The following GRM8 variants were observed in gnomAD, a reference collection of about 807,000 sequenced individuals.
GRM8 encodes metabotropic glutamate receptor 8.
A neutral mutation model predicts 87.2 loss-of-function variants in GRM8; 47 were observed. That is an observed-to-expected ratio of 0.54 (90% CI 0.43 to 0.69). The LOEUF (loss-of-function observed/expected upper bound fraction) is 0.69, where lower values mean the gene tolerates loss of function less well. GRM8 is among the 30% of genes least tolerant of loss of function. The probability of loss-of-function intolerance (pLI) is 0.00; values close to 1 mark genes in which losing one functional copy is unlikely to be tolerated. For synonymous variants in GRM8, 396 were observed against 404.5 expected (o/e 0.98, Z 0.25); for missense variants, 1,019 against 1,139.2 (o/e 0.89, Z 1.52).
At chr7:126,571,977 G>C (rs959983035) in intron 8 of GRM8, among the ~76,000 whole-genome samples, 2 of 151,870 alleles carry the variant, frequency 1.3e-5, no homozygotes, top group South Asian at 4.1e-4. Flanking sequence ...TCCTGACCTC[G>C]TGATCCTCCT....
chr7:127,083,649 C>A (rs1289812366), intron 3 of GRM8, among the ~76,000 whole-genome samples: 1 of 151,722 alleles, frequency 6.6e-6, no homozygotes, highest in Non-Finnish European at 1.5e-5. Context: ...TACCTAACAA[C>A]AACAACAACA....
intron 3 of GRM8, among the ~76,000 whole-genome samples, chr7:127,014,579 G>A (rs887172016): frequency 1.3e-5 from 2 of 152,030 alleles, no homozygotes; most frequent in East Asian, 1.9e-4. Flanking sequence ...TAATACGGTT[G>A]TGCAGATTAA....
chr7:126,987,500 G>C (rs902300690), intron 3 of GRM8, among the ~76,000 whole-genome samples: 1 of 151,002 alleles, frequency 6.6e-6, no homozygotes, highest in African/African-American at 2.4e-5. Context: ...TCGCTCTCTC[G>C]TCCAGGCTGG....
intron 3 of GRM8, among the ~76,000 whole-genome samples, chr7:126,948,359 T>A (rs1354759895): frequency 6.7e-6 from 1 of 150,242 alleles, no homozygotes; most frequent in Admixed American, 6.7e-5. Context: ...ACACAGGACA[T>A]GCAAAGGCAT....
At chr7:127,219,734 G>A (rs1203245273) in intron 2 of GRM8, 1 of 152,164 alleles carries the variant, frequency 6.6e-6, no homozygotes, top group Non-Finnish European at 1.5e-5. Flanking sequence ...CAGATATTTT[G>A]AGAGTCCATT....
chr7:126,827,144 T>C (rs1794890389), intron 6 of GRM8, among the ~76,000 whole-genome samples: 1 of 152,204 alleles, frequency 6.6e-6, no homozygotes, highest in Non-Finnish European at 1.5e-5. Flanking sequence ...TGAAGTCAGG[T>C]AGCGTGATGC....
chr7:126,920,621 T>G (rs1477091588), intron 3 of GRM8, among the ~76,000 whole-genome samples: 1 of 151,868 alleles, frequency 6.6e-6, no homozygotes, highest in Admixed American at 6.6e-5. Flanking sequence ...TGGTTGAAAA[T>G]CTCTAAAGTC....
At chr7:126,550,637 A>G (rs1182094046) in intron 8 of GRM8, among the ~76,000 whole-genome samples, 1 of 152,112 alleles carries the variant, frequency 6.6e-6, no homozygotes, top group Non-Finnish European at 1.5e-5. Flanking sequence ...ATAATGAGAA[A>G]GCTGCATCAA....
chr7:127,205,750 G>A (rs1406027922), intron 2 of GRM8, among the ~76,000 whole-genome samples: 1 of 152,118 alleles, frequency 6.6e-6, no homozygotes. Flanking sequence ...TTCTGTTTGT[G>A]CCCAAACTTT....
intron 3 of GRM8, among the ~76,000 whole-genome samples, chr7:127,082,935 C>T (rs1463506321): frequency 6.6e-6 from 1 of 152,148 alleles, no homozygotes; most frequent in Non-Finnish European, 1.5e-5. Context: ...GGCAGCATGG[C>T]CTCAAAGCCT....
At chr7:127,020,056 G>T (rs920224136) in intron 3 of GRM8, among the ~76,000 whole-genome samples, 1 of 152,074 alleles carries the variant, frequency 6.6e-6, no homozygotes, top group African/African-American at 2.4e-5. Context: ...AACACAAAAA[G>T]TGAGTTTCTA....
intron 7 of GRM8, among the ~76,000 whole-genome samples, chr7:126,754,803 A>C (rs1392883994): frequency 1.3e-5 from 2 of 151,864 alleles, no homozygotes; most frequent in Non-Finnish European, 2.9e-5. Context: ...ACCATTCTGG[A>C]GTTTGCAAAA....
intron 3 of GRM8, among the ~76,000 whole-genome samples, chr7:127,096,987 C>T (rs1411488814): frequency 3.9e-5 from 6 of 152,202 alleles, no homozygotes; most frequent in Non-Finnish European, 5.9e-5. Context: ...CCCCCAGACT[C>T]ACATTACTAA....
chr7:126,791,954 T>C (rs919660856), intron 6 of GRM8, among the ~76,000 whole-genome samples: 4 of 152,138 alleles, frequency 2.6e-5, no homozygotes, highest in African/African-American at 9.7e-5. Flanking sequence ...TGATGCTGAG[T>C]TTGCTTCTGA....
chr7:126,768,745 T>A (rs1818483568), intron 7 of GRM8, among the ~76,000 whole-genome samples: 1 of 152,038 alleles, frequency 6.6e-6, no homozygotes, highest in South Asian at 2.1e-4. Context: ...AACCTTGTAT[T>A]GCAACATTCC....
intron 8 of GRM8, among the ~76,000 whole-genome samples, chr7:126,586,454 A>G (rs1796133826): frequency 6.6e-6 from 1 of 152,200 alleles, no homozygotes; most frequent in Admixed American, 6.5e-5. Flanking sequence ...AGTAACCAAA[A>G]CAGCATGGTA....
At chr7:126,546,099 T>C (rs1361541351) in intron 8 of GRM8, among the ~76,000 whole-genome samples, 2 of 152,160 alleles carry the variant, frequency 1.3e-5, no homozygotes, top group South Asian at 2.1e-4. Context: ...TTTATATTAG[T>C]AAACAAACAA....
chr7:126,967,167 T>TTG (rs3039774), intron 3 of GRM8, among the ~76,000 whole-genome samples: 18 of 151,672 alleles, frequency 1.2e-4, no homozygotes, highest in Non-Finnish European at 2.2e-4. Flanking sequence ...GTGTGTGTGT[T>TTG]TGTGTGTGTG....
intron 7 of GRM8, among the ~76,000 whole-genome samples, chr7:126,760,420 G>A (rs1025521557): frequency 2.6e-5 from 4 of 152,084 alleles, no homozygotes; most frequent in Admixed American, 6.6e-5. Context: ...AACTATAAAA[G>A]AAATCAGACT....
Sources: allele counts gnomAD v4.1 joint callset (sites outside exome capture counted in the v4.1 genomes callset), GRCh38; gene constraint gnomAD v4.1.1; transcripts MANE v1.5; gene names NCBI Gene and HGNC (gene_info 2026-07-23, HGNC 2026-07-21).